NCOA3: variants seen among roughly 807,000 people sequenced by gnomAD.
NCOA3 encodes the protein CBP-interacting protein.
NCOA3 carries 51 observed loss-of-function variants against 158.8 expected under a neutral mutation model. That is an observed-to-expected ratio of 0.32 (90% CI 0.26 to 0.41). The LOEUF is 0.41. Among genes scored for constraint, NCOA3 ranks in the 10% least tolerant of loss-of-function variants. The probability of loss-of-function intolerance (pLI) is 1.00; values close to 1 mark genes in which losing one functional copy is unlikely to be tolerated. For missense variants in NCOA3, 1,510 were observed against 1,746.6 expected, an observed-to-expected ratio of 0.86 and a Z score of 2.41; for synonymous variants, 537 against 592.4, an observed-to-expected ratio of 0.91 and a Z score of 1.36.
intron 8 of NCOA3, chr20:47,628,840 T>C (rs2086368360): frequency 6.6e-6 from 1 of 152,220 alleles, no homozygotes; most frequent in Admixed American, 6.5e-5. Flanking sequence ...GGCAATATTA[T>C]TTTTATTTAC....
intron 1 of NCOA3, among the ~76,000 whole-genome samples, chr20:47,543,573 G>A (rs1357487077): frequency 6.7e-6 from 1 of 149,748 alleles, no homozygotes; most frequent in Non-Finnish European, 1.5e-5. Flanking sequence ...GCAATGGTGG[G>A]ATCTCGGCTC....
At chr20:47,625,759 G>A (rs2086311981) in intron 5 of NCOA3, among the ~76,000 whole-genome samples, 1 of 152,054 alleles carries the variant, frequency 6.6e-6, no homozygotes, top group Non-Finnish European at 1.5e-5. Flanking sequence ...GAAAGGAAAG[G>A]TAGCCTGTAA....
intron 2 of NCOA3, among the ~76,000 whole-genome samples, chr20:47,602,865 C>T (rs1394755203): frequency 6.6e-6 from 1 of 151,924 alleles, no homozygotes; most frequent in African/African-American, 2.4e-5. Flanking sequence ...TTCCATTTTC[C>T]TTTTGGCAGT....
chr20:47,580,217 G>T lies in NCOA3; in HGVS notation c.-98-2966G>T, dbSNP rs548218415. Among the ~76,000 whole-genome samples, 8 of 152,132 alleles carry T rather than the reference G, an allele frequency of 5.3e-5. No homozygotes were observed. The East Asian group carries it at 1.2e-3, about 22-fold the overall frequency. On this transcript the variant is annotated intron_variant, in intron 1 of 22. Coordinates refer to ENST00000371998, the MANE Select transcript of NCOA3 (RefSeq NM_181659.3). ...GGCCCTCTCACCACCTTCTACACGA[G>T]GCAGCAGTAATTGTTTCCTAGGTCC... is the stretch of plus-strand genomic sequence containing the variant.
intron 4 of NCOA3, among the ~76,000 whole-genome samples, 186 bp downstream of exon 4, chr20:47,624,269 A>G (rs1417970829): frequency 6.6e-6 from 1 of 152,364 alleles, no homozygotes; most frequent in African/African-American, 2.4e-5. Context: ...CATATAATGA[A>G]ATAATTATAC....
intron 21 of NCOA3, 43 bp downstream of exon 21, chr20:47,652,623 A>C: frequency 6.5e-7 from 1 of 1,550,128 alleles, no homozygotes; most frequent in Admixed American, 1.8e-5. Flanking sequence ...TCCTAGTCCC[A>C]GAAGTCCAAG....
chr20:47,652,280 T>C lies in NCOA3; in HGVS notation c.3947-126T>C, dbSNP rs571856163. On this transcript the variant is annotated intron_variant, in intron 20 of 22. Coordinates refer to ENST00000371998, the MANE Select transcript of NCOA3 (RefSeq NM_181659.3). Reference sequence around the variant, plus strand: ...GGGCAGCATCTTATAGCACTCTGTATCTTACACTTATCACTTCCCTCCACC... The same window carrying C: ...GGGCAGCATCTTATAGCACTCTGTACCTTACACTTATCACTTCCCTCCACC... 14 of 710,712 alleles carry C rather than the reference T, an allele frequency of 2.0e-5. No individual in the cohort carries two copies. In the East Asian group the frequency reaches 3.8e-4, roughly 19 times the overall value. The allele number at this position is 710,712 out of a possible 1,614,324, so 44.0% of individuals were successfully genotyped here.
At chr20:47,503,017 G>T (rs778187806) in intron 1 of NCOA3, among the ~76,000 whole-genome samples, 8 of 152,144 alleles carry the variant, frequency 5.3e-5, no homozygotes, top group Non-Finnish European at 8.8e-5. Context: ...TTTGAGCAGG[G>T]CTTCAAAACC....
intron 1 of NCOA3, among the ~76,000 whole-genome samples, chr20:47,504,326 G>A (rs1002989922): frequency 2.0e-5 from 3 of 152,188 alleles, no homozygotes. Flanking sequence ...TCAGTAAGGA[G>A]TGAAGTACTG....
chr20:47,531,261 C>T (rs2084539959), intron 1 of NCOA3, among the ~76,000 whole-genome samples: 1 of 152,128 alleles, frequency 6.6e-6, no homozygotes, highest in African/African-American at 2.4e-5. Context: ...ATCGCTTGAA[C>T]TCAGGAGGCA....
chr20:47,546,009 C>T (rs770809536), intron 1 of NCOA3, among the ~76,000 whole-genome samples: 5 of 152,124 alleles, frequency 3.3e-5, no homozygotes, highest in Non-Finnish European at 5.9e-5. Context: ...GCCACTGTGC[C>T]AGGCCTGTAT....
intron 2 of NCOA3, among the ~76,000 whole-genome samples, chr20:47,611,219 ATTAAT>A (rs755590172): frequency 1.3e-5 from 2 of 152,152 alleles, no homozygotes; most frequent in African/African-American, 4.8e-5. Flanking sequence ...TTTATTGCTT[ATTAAT>A]TTAATTTATA....
intron 2 of NCOA3, among the ~76,000 whole-genome samples, chr20:47,617,592 G>A (rs536253282): frequency 3.3e-5 from 5 of 152,320 alleles, no homozygotes; most frequent in Admixed American, 2.6e-4. Flanking sequence ...GATAACAGGC[G>A]TGGCAACTAA....
At chr20:47,540,759 A>G (rs1389193967) in intron 1 of NCOA3, among the ~76,000 whole-genome samples, 3 of 152,170 alleles carry the variant, frequency 2.0e-5, no homozygotes, top group African/African-American at 4.8e-5. Flanking sequence ...TTCAGAGAAT[A>G]ATGCAAGAGG....
intron 2 of NCOA3, among the ~76,000 whole-genome samples, chr20:47,612,749 T>C (rs558078858): frequency 6.6e-6 from 1 of 152,316 alleles, no homozygotes; most frequent in East Asian, 1.9e-4. Context: ...CAATGTAACC[T>C]TTAAAACAAA....
chr20:47,639,835 C>T lies in NCOA3; in HGVS notation c.2953+13C>T, dbSNP rs754474951. 33 of 1,612,800 alleles carry T rather than the reference C, an allele frequency of 2.0e-5. No homozygotes were observed. Among genetic ancestry groups the T allele is most frequent in the Non-Finnish European group, 2.5e-5 (29 of 1,178,970 alleles). The stretch of plus-strand genomic sequence containing the variant: ...ATGCTTCAAATGAGTAAGTGTCCAC[C>T]CTCCCCTCTTCATGAAAAAAGAAAG... On this transcript the variant is annotated intron_variant, in intron 15 of 22. Transcript: ENST00000371998.
chr20:47,644,089 T>A (rs1430529263), intron 17 of NCOA3, among the ~76,000 whole-genome samples: 1 of 152,128 alleles, frequency 6.6e-6, no homozygotes, highest in East Asian at 1.9e-4. Context: ...GTGTTTTTTT[T>A]TCTGACCTAC....
chr20:47,568,384 T>G (rs965629755), intron 1 of NCOA3, among the ~76,000 whole-genome samples: 2 of 152,214 alleles, frequency 1.3e-5, no homozygotes, highest in Non-Finnish European at 2.9e-5. Context: ...AAAATGAATA[T>G]TGTGATAAAA....
Position 47,625,309 on chromosome 20 carries a change from G to A in NCOA3, c.257-72G>A, listed in dbSNP as rs141618266. On this transcript the variant is annotated intron_variant, in intron 4 of 22. Coordinates refer to ENST00000371998, the MANE Select transcript of NCOA3 (RefSeq NM_181659.3). ...CATGTGTATCTTTATGTCTCTTCTG[G>A]GGACTATTCGAAGGTGATTTAATCT... is the stretch of plus-strand genomic sequence containing the variant. The A allele has an allele frequency of 1.1e-3, 1,082 of 978,310 alleles. 10 individuals are homozygous for A. The African/African-American group carries it at 0.016, about 14-fold the overall frequency. The allele number at this position is 978,310 out of a possible 1,614,324, so 60.6% of individuals were successfully genotyped here. A position where few individuals can be genotyped will look rare whatever the true frequency, so the allele number is the denominator to read the frequency against.
Sources: allele counts gnomAD v4.1 joint callset (sites outside exome capture counted in the v4.1 genomes callset), GRCh38; gene constraint gnomAD v4.1.1; transcripts MANE v1.5; gene names NCBI Gene and HGNC (gene_info 2026-07-23, HGNC 2026-07-21).